STKLD1: variants seen among roughly 807,000 people sequenced by gnomAD.
The protein encoded by STKLD1 is serine/threonine kinase like domain containing 1.
In STKLD1, 79 loss-of-function variants were observed where a neutral mutation model predicts 80.4. The ratio of observed to expected loss-of-function variants is 0.98; its 90% CI spans 0.82 to 1.19. The LOEUF (loss-of-function observed/expected upper bound fraction) is 1.19. STKLD1 is among the 50% of genes most tolerant of loss of function. STKLD1 has a pLI of 0.00. For synonymous variants in STKLD1, 393 were observed against 357.6 expected (o/e 1.10, Z -1.12); for missense variants, 841 against 856.0 (o/e 0.98, Z 0.22).
intron 8 of STKLD1, among the ~76,000 whole-genome samples, chr9:133,395,095 C>T (rs193247004): frequency 3.7e-4 from 57 of 152,322 alleles, no homozygotes; most frequent in African/African-American, 1.3e-3. Flanking sequence ...CTGCAGGCAC[C>T]GAGGTCCCCA....
In STKLD1 at chr9:133,397,977, A is replaced by G. The variant is rs368025940; in HGVS notation, c.1003A>G (p.Met335Val). 76 of 1,613,400 alleles carry G rather than the reference A, an allele frequency of 4.7e-5. No homozygotes were observed. In the East Asian group the frequency reaches 1.1e-3, roughly 24 times the overall value. Residue 335 changes from methionine to valine, a missense_variant, in exon 11 of 18, where the codon ATG (methionine) becomes GTG (valine). Coordinates refer to ENST00000371957, the MANE Select transcript of STKLD1 (RefSeq NM_153710.5). ...CTGCCTTCCTGTCCCTGCAGAGGTC[A>G]TGCAGAAATTCTCTGGCTGGCCCGA... ...EGNVASILEV[M>V]QKFSGWPEVQ...
intron 7 of STKLD1, among the ~76,000 whole-genome samples, chr9:133,391,175 C>T (rs2130288397): frequency 9.4e-5 from 14 of 149,200 alleles, no homozygotes; most frequent in Middle Eastern, 3.5e-3. Context: ...CCGCCCCGTC[C>T]GGGAGGGAGG....
At chr9:133,399,869 ACT>A (rs1489848147) in intron 11 of STKLD1, among the ~76,000 whole-genome samples, 4 of 117,342 alleles carry the variant, frequency 3.4e-5, no homozygotes, top group Non-Finnish European at 5.2e-5. Context: ...ACAGAGTGAG[ACT>A]CTGTTTCAAA....
rs767954660 is a variant in STKLD1, at chr9:133,384,064, T to C, written c.219+164T>C. On this transcript the variant is annotated intron_variant, in intron 3 of 17. Coordinates refer to ENST00000371957, the MANE Select transcript of STKLD1 (RefSeq NM_153710.5). This position sits in a 1 kb window ranked among gnomAD's most constrained non-coding sequence, Gnocchi z 4.3. The stretch of plus-strand genomic sequence containing the variant: ...CTGTGAAGCCAGCAGCCCCAGGTCA[T>C]GAAGGGAGTCCATGCCCCAAACACT... 3.1e-6 allele frequency: 2 copies of C among 649,832 alleles called. No individual in the cohort carries two copies. The highest frequency in any genetic ancestry group is 4.2e-4 in the Middle Eastern group (1 of 2,354). 40.3% of individuals were successfully genotyped at this position (649,832 alleles called of 1,614,324 possible).
Position 133,401,956 on chromosome 9 carries a change from G to A in STKLD1, c.1339+78G>A, listed in dbSNP as rs1419212733. 3.2e-6 allele frequency: 5 copies of A among 1,559,106 alleles called. No homozygotes were observed. The East Asian group carries it at 1.1e-4, about 35-fold the overall frequency. ...CAGGGGTCTTGGAAGGGTTGGTTTG[G>A]GGTATAGGTGGGTTGGACAGGACAG... On this transcript the variant is annotated intron_variant, in intron 13 of 17. Transcript: ENST00000371957.
Position 133,401,940 on chromosome 9 carries a change from TGGAA to T in STKLD1, c.1339+65_1339+68del, listed in dbSNP as rs909640566. 99 of 1,589,220 alleles carry T rather than the reference TGGAA, an allele frequency of 6.2e-5. No individual in the cohort carries two copies. In the African/African-American group the frequency reaches 1.1e-3, roughly 18 times the overall value. Reference sequence around the variant, plus strand: ...CCAGGACAGCCCTTCCCAGGGGTCTTGGAAGGGTTGGTTTGGGGTATAGGTGGGT... The same window carrying T: ...CCAGGACAGCCCTTCCCAGGGGTCTTGGGTTGGTTTGGGGTATAGGTGGGT... On this transcript the variant is annotated intron_variant, in intron 13 of 17. Coordinates refer to ENST00000371957, the MANE Select transcript of STKLD1 (RefSeq NM_153710.5).
rs1225897191 is a variant in STKLD1, at chr9:133,382,737, ATGG to A, written c.175-1114_175-1112del. ...TGGTGACAGTGGTGTTGATGGTGTGATGGTGGTAATGATGATGGTAATGATGGT... is the reference window on the plus strand; with the variant it reads ...TGGTGACAGTGGTGTTGATGGTGTGATGGTAATGATGATGGTAATGATGGT... On this transcript the variant is annotated intron_variant, in intron 2 of 17. Transcript: ENST00000371957. 2.0e-4 allele frequency among the ~76,000 whole-genome samples: 29 copies of A among 146,230 alleles called. 1 individual carries two copies. Among genetic ancestry groups the A allele is most frequent in the Middle Eastern group, 4.0e-3 (1 of 250 alleles).
intron 12 of STKLD1, 137 bp downstream of exon 12, chr9:133,400,666 T>C: frequency 1.3e-6 from 1 of 755,542 alleles, no homozygotes; most frequent in Non-Finnish European, 2.3e-6. Flanking sequence ...CTGCACCTTC[T>C]AGGCCATCTT....
rs2148994 is a variant in STKLD1 at position 133,405,301 on chromosome 9, G to A, written c.1923G>A (p.Gln641=). 4 of 1,612,876 alleles carry A rather than the reference G, an allele frequency of 2.5e-6. No individual in the cohort carries two copies. The South Asian group carries it at 4.4e-5, about 18-fold the overall frequency. ...LVSSSMKALL[Q]EIKERFTSSL... ...CCAGTAGTATGAAGGCCCTGCTCCAGGAGATCAAGGAGCGCTTCACCTCCA... is the reference window on the plus strand; with the variant it reads ...CCAGTAGTATGAAGGCCCTGCTCCAAGAGATCAAGGAGCGCTTCACCTCCA... The change falls in exon 18 of 18, where the codon CAG becomes CAA. Residue 641 remains glutamine (Q), a synonymous_variant. Coordinates refer to ENST00000371957, the MANE Select transcript of STKLD1 (RefSeq NM_153710.5).
rs1838366741 is a variant in STKLD1 at position 133,390,575 on chromosome 9, C to T, written c.468-106C>T. 1 of 764,062 alleles carries T rather than the reference C, an allele frequency of 1.3e-6. No individual in the cohort carries two copies. The highest frequency in any genetic ancestry group is 2.0e-5 in the Admixed American group (1 of 49,136). The allele number at this position is 764,062 out of a possible 1,614,324, so 47.3% of individuals were successfully genotyped here. On this transcript the variant is annotated intron_variant, in intron 6 of 17. Coordinates refer to ENST00000371957, the MANE Select transcript of STKLD1 (RefSeq NM_153710.5). This position sits in a 1 kb window ranked among gnomAD's most constrained non-coding sequence, Gnocchi z 5.1. ...CTGCAGAACCAGGTGGGGCAGGGAG[C>T]AGAGAGTCAGGCTCAGCACACACAC...
At position 133,394,549 on chromosome 9, in the gene STKLD1, A is replaced by T; in HGVS notation, c.702+140A>T. The T allele has an allele frequency of 1.5e-6, 1 of 676,412 alleles. No individual in the cohort carries two copies. Among genetic ancestry groups the T allele is most frequent in the Non-Finnish European group, 2.6e-6 (1 of 378,538 alleles). The allele number at this position is 676,412 out of a possible 1,614,324, so 41.9% of individuals were successfully genotyped here. A position where few individuals can be genotyped will look rare whatever the true frequency, so the allele number is the denominator to read the frequency against. On this transcript the variant is annotated intron_variant, in intron 8 of 17. Transcript: ENST00000371957. This position sits in a 1 kb window ranked among gnomAD's most constrained non-coding sequence, Gnocchi z 4.9. ...CAGGCTGCACAGAGCCCTCTTCTCC[A>T]CCTGCGAGGGGCCTGCCCTCCTCAG...
intron 2 of STKLD1, among the ~76,000 whole-genome samples, chr9:133,382,918 T>C (rs1838174948): frequency 6.8e-6 from 1 of 146,416 alleles, no homozygotes; most frequent in African/African-American, 2.6e-5. Context: ...GTGGTGATGA[T>C]GGGGATAATA....
Position 133,404,804 on chromosome 9 carries a change from A to G in STKLD1, c.1748A>G (p.Lys583Arg). ...LVKVSELAAF[K>R]VVVQEEGGSG... ...CATCCCCCAGAGCTGGCGGCCTTCA[A>G]GGTGGTGGTGCAGGAGGAGGGCGGC... The change falls in exon 17 of 18, where the codon AAG (lysine) becomes AGG (arginine). Residue 583 changes from lysine (K) to arginine (R), a missense_variant. Coordinates refer to ENST00000371957, the MANE Select transcript of STKLD1 (RefSeq NM_153710.5). The G allele has an allele frequency of 6.2e-7, 1 of 1,612,872 alleles. No homozygotes were observed. The highest frequency in any genetic ancestry group is 1.1e-5 in the South Asian group (1 of 91,064).
intron 5 of STKLD1, chr9:133,388,923 G>T: frequency 2.0e-6 from 2 of 985,390 alleles, no homozygotes; most frequent in Non-Finnish European, 2.4e-6. Flanking sequence ...CAGAAACCCA[G>T]TAAGTGCAGC....
chr9:133,383,612 G>A (rs1838202531), intron 2 of STKLD1, among the ~76,000 whole-genome samples: 1 of 151,948 alleles, frequency 6.6e-6, no homozygotes, highest in African/African-American at 2.4e-5. Context: ...TGGAGTGATG[G>A]TGGTAATGGT....
chr9:133,389,002 C>A lies in STKLD1; in HGVS notation c.397-524C>A. The A allele has an allele frequency of 1.0e-6, 1 of 985,422 alleles. No individual in the cohort carries two copies. The allele number at this position is 985,422 out of a possible 1,614,324, so 61.0% of individuals were successfully genotyped here. A position where few individuals can be genotyped will look rare whatever the true frequency, so the allele number is the denominator to read the frequency against. On this transcript the variant is annotated intron_variant, in intron 5 of 17. Transcript: ENST00000371957. This position sits in a 1 kb window ranked among gnomAD's most constrained non-coding sequence, Gnocchi z 6.4. Reference sequence around the variant, plus strand: ...GCCCCCTCAGCCCCTCTCTGACACCCCAGGGTGGCCCTGAATCCAGGGGCC... The same window carrying A: ...GCCCCCTCAGCCCCTCTCTGACACCACAGGGTGGCCCTGAATCCAGGGGCC...
Position 133,384,158 on chromosome 9 carries a change from G to T in STKLD1, c.219+258G>T, listed in dbSNP as rs1838213846. The T allele has an allele frequency of 6.5e-6, 3 of 460,270 alleles. No individual in the cohort carries two copies. Among genetic ancestry groups the T allele is most frequent in the South Asian group, 2.5e-5 (1 of 39,788 alleles). 28.5% of individuals were successfully genotyped at this position (460,270 alleles called of 1,614,324 possible). ...AGAGAACATAAAATTTAAATATTGGGCTGGGCACGGTGGCTCACATTTGTA... is the reference window on the plus strand; with the variant it reads ...AGAGAACATAAAATTTAAATATTGGTCTGGGCACGGTGGCTCACATTTGTA... On this transcript the variant is annotated intron_variant, in intron 3 of 17. Transcript: ENST00000371957. This position sits in a 1 kb window ranked among gnomAD's most constrained non-coding sequence, Gnocchi z 4.3.
rs1283530043 is a variant in STKLD1, at chr9:133,397,976, C to A, written c.1002C>A (p.Val334=). 6.2e-7 allele frequency: 1 copy of A among 1,613,226 alleles called. No individual in the cohort carries two copies. Among genetic ancestry groups the A allele is most frequent in the Non-Finnish European group, 8.5e-7 (1 of 1,179,772 alleles). ...CCTGCCTTCCTGTCCCTGCAGAGGT[C>A]ATGCAGAAATTCTCTGGCTGGCCCG... is the stretch of plus-strand genomic sequence containing the variant. The part of the protein sequence containing the change: ...LEGNVASILE[V]MQKFSGWPEV... The change falls in exon 11 of 18, where the codon GTC becomes GTA. Residue 334 remains valine (V), a synonymous_variant. Transcript: ENST00000371957.
chr9:133,380,875 C>T (rs2130264458), intron 2 of STKLD1, among the ~76,000 whole-genome samples: 7 of 152,016 alleles, frequency 4.6e-5, no homozygotes, highest in African/African-American at 1.7e-4. Flanking sequence ...CAGCCTCCTC[C>T]TCTCTTGGCT....
Sources: allele counts gnomAD v4.1 joint callset (sites outside exome capture counted in the v4.1 genomes callset), GRCh38; gene constraint gnomAD v4.1.1; non-coding constraint Gnocchi (gnomAD v3.1); transcripts MANE v1.5; gene names NCBI Gene and HGNC (gene_info 2026-07-23, HGNC 2026-07-21).